Variants in KCNH1 observed in about 807,000 individuals in gnomAD.
KCNH1 encodes the protein voltage-gated delayed rectifier potassium channel KCNH1.
A neutral mutation model predicts 69.2 loss-of-function variants in KCNH1; 27 were observed. That is an observed-to-expected ratio of 0.39 (90% confidence interval 0.29 to 0.54). The LOEUF is 0.54. Among genes scored for constraint, KCNH1 ranks in the 20% least tolerant of loss-of-function variants. KCNH1 has a pLI of 0.68. For synonymous variants in KCNH1, 456 were observed against 487.7 expected (o/e 0.93, Z 0.86); for missense variants, 798 against 1,261.6 (o/e 0.63, Z 5.57).
chr1:210,788,685 CTTTTTT>C (rs139485350), intron 9 of KCNH1, among the ~76,000 whole-genome samples: 65 of 80,714 alleles, frequency 8.1e-4, no homozygotes, highest in Middle Eastern at 9.3e-3. Context: ...TAGCTTCTTT[CTTTTTT>C]TTTTTTTTTT....
At chr1:210,694,379 A>C (rs1681592380) in intron 10 of KCNH1, among the ~76,000 whole-genome samples, 1 of 151,696 alleles carries the variant, frequency 6.6e-6, no homozygotes, top group Non-Finnish European at 1.5e-5. Flanking sequence ...CCCCTTAGTG[A>C]CTGACTGACA....
Position 210,781,726 on chromosome 1 carries a change from C to A in KCNH1, c.1916-6182G>T, listed in dbSNP as rs1420411911. ...CAGGCCCTCTCTTCAGTTCGTACAGCCATGACTAAGACAAAAAGAGAATAT... is the reference window on the plus strand; with the variant it reads ...CAGGCCCTCTCTTCAGTTCGTACAGACATGACTAAGACAAAAAGAGAATAT... On this transcript the variant is annotated intron_variant, in intron 9 of 10. Coordinates refer to ENST00000271751, the MANE Select transcript of KCNH1 (RefSeq NM_172362.3). Among the ~76,000 whole-genome samples, 2 of 152,206 alleles carry A rather than the reference C, an allele frequency of 1.3e-5. 1 individual carries two copies. The highest frequency in any genetic ancestry group is 6.3e-3 in the Middle Eastern group (2 of 316).
intron 7 of KCNH1, among the ~76,000 whole-genome samples, chr1:210,832,283 A>T (rs59197723): frequency 7.2e-5 from 11 of 152,068 alleles, no homozygotes; most frequent in Non-Finnish European, 1.6e-4. Flanking sequence ...GATGTTTGAG[A>T]GTCCTCTTCT....
chr1:211,054,626 T>C (rs1211356195), intron 5 of KCNH1, among the ~76,000 whole-genome samples: 1 of 152,148 alleles, frequency 6.6e-6, no homozygotes, highest in African/African-American at 2.4e-5. Context: ...GATAACAGTA[T>C]GTATGACAGT....
chr1:210,917,223 GAGAGAGAGAAAGAAAGAA>G (rs1267935177), intron 7 of KCNH1, among the ~76,000 whole-genome samples: 114 of 83,310 alleles, frequency 1.4e-3, no homozygotes, highest in East Asian at 3.9e-3. Flanking sequence ...GAGAGAGAGA[GAGAGAGAGAAAGAAAGAA>G]AGAAAGAAAG....
At chr1:211,079,888 T>C (rs540995345) in intron 5 of KCNH1, among the ~76,000 whole-genome samples, 82 of 152,296 alleles carry the variant, frequency 5.4e-4, no homozygotes, top group Non-Finnish European at 9.8e-4. Flanking sequence ...ACTGGAAGTA[T>C]TCCCTTTGAA....
intron 10 of KCNH1, among the ~76,000 whole-genome samples, 192 bp from the exon 11 acceptor site, chr1:210,684,330 T>A (rs183334334): frequency 6.6e-6 from 1 of 152,264 alleles, no homozygotes; most frequent in East Asian, 1.9e-4. Context: ...TTCTTGACAC[T>A]GGCTCCCAGC....
At chr1:211,029,556 C>T (rs1414609431) in intron 5 of KCNH1, among the ~76,000 whole-genome samples, 1 of 151,884 alleles carries the variant, frequency 6.6e-6, no homozygotes, top group Non-Finnish European at 1.5e-5. Flanking sequence ...ACTTCCTAAA[C>T]TTAATAAAGA....
At chr1:211,098,796 C>G (rs1441211120) in intron 3 of KCNH1, among the ~76,000 whole-genome samples, 1 of 152,042 alleles carries the variant, frequency 6.6e-6, no homozygotes, top group Non-Finnish European at 1.5e-5. Flanking sequence ...CATTAAAAAG[C>G]TCATTAAACA....
intron 10 of KCNH1, among the ~76,000 whole-genome samples, chr1:210,713,263 G>A (rs983649266): frequency 2.0e-5 from 3 of 152,178 alleles, no homozygotes; most frequent in Non-Finnish European, 4.4e-5. Flanking sequence ...ATTGACAGAT[G>A]CCACCAATTT....
At chr1:210,906,624 A>G (rs1245529864) in intron 7 of KCNH1, among the ~76,000 whole-genome samples, 1 of 152,240 alleles carries the variant, frequency 6.6e-6, no homozygotes, top group Non-Finnish European at 1.5e-5. Context: ...TTTTAAAAAC[A>G]GAATGTCCAA....
intron 7 of KCNH1, among the ~76,000 whole-genome samples, chr1:210,811,658 A>G (rs1229691908): frequency 6.6e-6 from 1 of 152,146 alleles, no homozygotes; most frequent in Non-Finnish European, 1.5e-5. Context: ...TGGCTTGCAA[A>G]GGCTTCAGGA....
At chr1:211,130,464 T>C (rs116349966) in intron 1 of KCNH1, among the ~76,000 whole-genome samples, 25 of 152,242 alleles carry the variant, frequency 1.6e-4, no homozygotes, top group Admixed American at 2.0e-4. Flanking sequence ...TGGACCAAGA[T>C]TCACTAGAAT....
intron 7 of KCNH1, among the ~76,000 whole-genome samples, chr1:210,829,368 C>G (rs908278195): frequency 1.3e-5 from 2 of 152,136 alleles, no homozygotes; most frequent in Non-Finnish European, 2.9e-5. Context: ...TTTTAGGGTC[C>G]TTTACAGATT....
At chr1:210,998,862 T>C (rs572054465) in intron 6 of KCNH1, among the ~76,000 whole-genome samples, 2 of 152,278 alleles carry the variant, frequency 1.3e-5, no homozygotes, top group South Asian at 4.1e-4. Context: ...AGAAACTCAC[T>C]CAAAACCGCT....
At chr1:210,857,042 G>T (rs1357485969) in intron 7 of KCNH1, among the ~76,000 whole-genome samples, 1 of 150,934 alleles carries the variant, frequency 6.6e-6, no homozygotes, top group Non-Finnish European at 1.5e-5. Flanking sequence ...CCTTTCTGGG[G>T]GCTTGTAAGA....
At chr1:210,981,121 T>C (rs1354290534) in intron 6 of KCNH1, among the ~76,000 whole-genome samples, 3 of 152,006 alleles carry the variant, frequency 2.0e-5, no homozygotes, top group Non-Finnish European at 4.4e-5. Flanking sequence ...TGCACTAAAG[T>C]CACTCAGAGA....
At chr1:210,822,125 TGG>T (rs1684942084) in intron 7 of KCNH1, among the ~76,000 whole-genome samples, 1 of 152,030 alleles carries the variant, frequency 6.6e-6, no homozygotes, top group South Asian at 2.1e-4. Flanking sequence ...AGATGTGGTA[TGG>T]TCAGGGTGCT....
intron 7 of KCNH1, among the ~76,000 whole-genome samples, chr1:210,813,802 T>C (rs545890541): frequency 1.3e-5 from 2 of 152,204 alleles, no homozygotes; most frequent in Admixed American, 6.5e-5. Flanking sequence ...AATTCCCATG[T>C]GTTGTGGGAC....
Sources: gnomAD v4.1 joint callset for allele counts (sites outside exome capture counted in the v4.1 genomes callset) on GRCh38, gnomAD v4.1.1 for gene constraint, MANE v1.5 for transcripts, NCBI Gene and HGNC (gene_info 2026-07-23, HGNC 2026-07-21) for gene names.